Variants in GOSR1 observed in about 807,000 individuals in gnomAD.
GOSR1 encodes golgi SNAP receptor complex member 1.
Under a neutral mutation model 35.5 loss-of-function variants are expected in GOSR1, and 21 were observed. The observed-to-expected ratio is 0.59, with a 90% CI of 0.42 to 0.85. The LOEUF is 0.85. Among genes scored for constraint, GOSR1 ranks in the 40% least tolerant of loss-of-function variants. The probability of loss-of-function intolerance (pLI) is 0.00; values close to 1 mark genes in which losing one functional copy is unlikely to be tolerated. For missense variants in GOSR1, 285 were observed against 309.6 expected (o/e 0.92, Z 0.60); for synonymous variants, 94 against 106.6 (o/e 0.88, Z 0.73).
chr17:30,504,744 C>A (rs1967339254), intron 6 of GOSR1, among the ~76,000 whole-genome samples: 1 of 152,172 alleles, frequency 6.6e-6, no homozygotes, highest in South Asian at 2.1e-4. Flanking sequence ...AAAGAATTTT[C>A]TTTATATGTA....
At position 30,501,260 on chromosome 17, in the gene GOSR1, T is replaced by C. The variant is rs149920847; in HGVS notation, c.509+8507T>C. On this transcript the variant is annotated intron_variant, in intron 6 of 8. Transcript: ENST00000451249. ...ATCTTAACCAAGGAAGATATACAGA[T>C]GATAAATTAAGCATGTGAAAAGATA... is the stretch of plus-strand genomic sequence containing the variant. 2.5e-3 allele frequency among the ~76,000 whole-genome samples: 377 copies of C among 151,228 alleles called. 1 individual carries two copies. The highest frequency in any genetic ancestry group is 8.9e-3 in the African/African-American group (363 of 40,630).
intron 4 of GOSR1, among the ~76,000 whole-genome samples, chr17:30,486,067 A>G (rs1027614179): frequency 2.0e-5 from 3 of 152,078 alleles, no homozygotes; most frequent in Admixed American, 6.5e-5. Flanking sequence ...ACTTTAATAC[A>G]AAAATGTATT....
At chr17:30,477,887 A>G in intron 1 of GOSR1, 4 of 985,166 alleles carry the variant, frequency 4.1e-6, no homozygotes, top group Non-Finnish European at 4.8e-6. Context: ...CTATTGGAAA[A>G]CTGAGTGGGA....
intron 6 of GOSR1, among the ~76,000 whole-genome samples, chr17:30,496,238 CTG>C (rs1175484103): frequency 2.6e-5 from 4 of 152,190 alleles, no homozygotes; most frequent in African/African-American, 9.6e-5. Context: ...ATCCGGTACA[CTG>C]TCTCTGGTTT....
chr17:30,481,119 T>C (rs1027852102), intron 1 of GOSR1, 24 bp from the exon 2 acceptor site: 36 of 1,503,434 alleles, frequency 2.4e-5, no homozygotes, highest in Non-Finnish European at 3.2e-5. Flanking sequence ...TGTCTAATTA[T>C]TTGTTGTTAT....
intron 7 of GOSR1, among the ~76,000 whole-genome samples, chr17:30,514,077 G>A (rs1403110305): frequency 6.6e-6 from 1 of 152,228 alleles, no homozygotes. Context: ...CATTTTCAAT[G>A]TATCACATTT....
intron 6 of GOSR1, among the ~76,000 whole-genome samples, chr17:30,499,342 C>CT (rs3039523): frequency 0.17 from 22,888 of 133,614 alleles, 3,343 homozygotes; most frequent in African/African-American, 0.38. Context: ...TCTCATTCCT[C>CT]TTTTTTTTTT....
Position 30,523,705 on chromosome 17 carries a change from T to A in GOSR1, c.*1327T>A, listed in dbSNP as rs545555885. The A allele has an allele frequency of 7.4e-5, 14 of 189,012 alleles. 1 individual carries two copies. Among genetic ancestry groups the A allele is most frequent in the African/African-American group, 3.1e-4 (13 of 41,820 alleles). 11.7% of individuals were successfully genotyped at this position (189,012 alleles called of 1,614,324 possible). A position where few individuals can be genotyped will look rare whatever the true frequency, so the allele number is the denominator to read the frequency against. On this transcript the variant is annotated 3_prime_UTR_variant, in exon 9 of 9. Coordinates refer to ENST00000451249, the MANE Select transcript of GOSR1 (RefSeq NM_001007025.2). ...GCCCCTCTGCCTGGCCACCACCCCA[T>A]CTGGGAGGTGTGCCCAGCAGCTCAT...
intron 7 of GOSR1, among the ~76,000 whole-genome samples, chr17:30,513,839 C>A (rs1967701654): frequency 1.3e-5 from 2 of 152,112 alleles, no homozygotes; most frequent in Admixed American, 1.3e-4. Flanking sequence ...AAGCCAACCA[C>A]TTGGAAGGCT....
chr17:30,504,654 G>T (rs1322679618), intron 6 of GOSR1, among the ~76,000 whole-genome samples: 1 of 152,156 alleles, frequency 6.6e-6, no homozygotes, highest in Non-Finnish European at 1.5e-5. Context: ...TAAGATGTAT[G>T]TACTCATTAC....
chr17:30,504,128 G>A (rs775630512), intron 6 of GOSR1, among the ~76,000 whole-genome samples: 7 of 151,686 alleles, frequency 4.6e-5, no homozygotes, highest in Non-Finnish European at 1.0e-4. Flanking sequence ...CCGGGTTCAA[G>A]GAATTCTCCT....
In GOSR1 at chr17:30,505,692, A is replaced by G. The variant is rs139203891; in HGVS notation, c.510-5188A>G. On this transcript the variant is annotated intron_variant, in intron 6 of 8. Transcript: ENST00000451249. ...TTGCTTACAACCTCACTGATAGAAG[A>G]GGGTGAACTTAATAAATGTTGTGTA... Among the ~76,000 whole-genome samples the G allele has an allele frequency of 2.5e-3, 376 of 152,262 alleles. 1 individual carries two copies. Among genetic ancestry groups the G allele is most frequent in the African/African-American group, 8.7e-3 (362 of 41,570 alleles).
At chr17:30,510,372 T>C (rs369025618) in intron 6 of GOSR1, among the ~76,000 whole-genome samples, 1 of 151,058 alleles carries the variant, frequency 6.6e-6, no homozygotes, top group East Asian at 2.0e-4. Context: ...CCGTGCCTGG[T>C]CGTAAGATGG....
intron 6 of GOSR1, 134 bp from the exon 7 acceptor site, chr17:30,510,746 T>G: frequency 1.8e-6 from 1 of 559,424 alleles, no homozygotes; most frequent in Non-Finnish European, 3.2e-6. Context: ...CAGAATTTTC[T>G]CCAGATGCTT....
chr17:30,505,325 C>T (rs1421747777), intron 6 of GOSR1, among the ~76,000 whole-genome samples: 1 of 152,058 alleles, frequency 6.6e-6, no homozygotes. Context: ...GCTTGAAGCC[C>T]AGAGTTCAAA....
At chr17:30,478,265 TC>T (rs1914085646) in intron 1 of GOSR1, among the ~76,000 whole-genome samples, 1 of 152,250 alleles carries the variant, frequency 6.6e-6, no homozygotes, top group Non-Finnish European at 1.5e-5. Context: ...CACCTTTTTC[TC>T]CCAACTGTCT....
intron 6 of GOSR1, among the ~76,000 whole-genome samples, chr17:30,504,845 A>G (rs1015212189): frequency 3.1e-4 from 47 of 152,238 alleles, no homozygotes; most frequent in African/African-American, 1.1e-3. Context: ...TTTTCCAACT[A>G]AAGTGTAGTA....
At chr17:30,519,903 T>C (rs1967962379) in intron 7 of GOSR1, 36 bp from the exon 8 acceptor site, 5 of 1,295,096 alleles carry the variant, frequency 3.9e-6, no homozygotes, top group Non-Finnish European at 5.6e-6. Context: ...AGGATAATCT[T>C]AAATGGTGAT....
In GOSR1 at chr17:30,510,966, A is replaced by G. The variant is rs952227285; in HGVS notation, c.539+57A>G. On this transcript the variant is annotated intron_variant, in intron 7 of 8. Transcript: ENST00000451249. Reference sequence around the variant, plus strand: ...TTTTTGTTTGTTTGCACGTAAATTTAATGAACAGTGTTACAGCTGTTTTAG... The same window carrying G: ...TTTTTGTTTGTTTGCACGTAAATTTGATGAACAGTGTTACAGCTGTTTTAG... 6 of 993,078 alleles carry G rather than the reference A, an allele frequency of 6.0e-6. No homozygotes were observed. In the African/African-American group the frequency reaches 9.6e-5, roughly 16 times the overall value. 61.5% of individuals were successfully genotyped at this position (993,078 alleles called of 1,614,324 possible).
Sources: gnomAD v4.1 joint callset for allele counts (sites outside exome capture counted in the v4.1 genomes callset) on GRCh38, gnomAD v4.1.1 for gene constraint, MANE v1.5 for transcripts, NCBI Gene and HGNC (gene_info 2026-07-23, HGNC 2026-07-21) for gene names.